The following CYB5A variants were observed in gnomAD, a reference collection of about 807,000 sequenced individuals.
The protein encoded by CYB5A is cytochrome b5 type A.
CYB5A carries 10 observed loss-of-function variants against 16.2 expected under a neutral mutation model. That is an observed-to-expected ratio of 0.62 (90% CI 0.38 to 1.04). The LOEUF is 1.04. CYB5A is among the 50% of genes least tolerant of loss of function. CYB5A has a pLI of 0.01. For missense variants in CYB5A, 161 were observed against 165.9 expected, an observed-to-expected ratio of 0.97 and a Z score of 0.16; for synonymous variants, 62 against 57.0, an observed-to-expected ratio of 1.09 and a Z score of -0.40.
At chr18:74,254,523 CTTT>C (rs140770769) in intron 4 of CYB5A, among the ~76,000 whole-genome samples, 4 of 144,102 alleles carry the variant, frequency 2.8e-5, no homozygotes, top group Admixed American at 1.4e-4. Flanking sequence ...CTATTTGAAT[CTTT>C]TTTTTTTTTT....
At chr18:74,268,577 C>A (rs1431337867) in intron 1 of CYB5A, among the ~76,000 whole-genome samples, 3 of 152,056 alleles carry the variant, frequency 2.0e-5, no homozygotes, top group Admixed American at 2.0e-4. Flanking sequence ...GGACAGCAGA[C>A]AAAAGGGCAA....
intron 1 of CYB5A, among the ~76,000 whole-genome samples, chr18:74,289,455 T>C (rs1194556579): frequency 6.6e-6 from 1 of 152,110 alleles, no homozygotes; most frequent in African/African-American, 2.4e-5. Context: ...TCTGGCAATA[T>C]CTGGAGACAT....
chr18:74,285,532 AGAAATGCACACACTG>A (rs1983284495), intron 1 of CYB5A, among the ~76,000 whole-genome samples: 1 of 152,244 alleles, frequency 6.6e-6, no homozygotes, highest in Non-Finnish European at 1.5e-5. Context: ...CTAAGAACCG[AGAAATGCACACACTG>A]GTGTGCCACC....
chr18:74,285,865 A>G (rs1375574147), intron 1 of CYB5A, among the ~76,000 whole-genome samples: 4 of 146,744 alleles, frequency 2.7e-5, no homozygotes, highest in East Asian at 2.0e-4. Context: ...AAAAAAAAAA[A>G]GTAGAAGTGT....
At chr18:74,265,742 GGGGGA>G (rs1238947402) in intron 1 of CYB5A, among the ~76,000 whole-genome samples, 1 of 152,214 alleles carries the variant, frequency 6.6e-6, no homozygotes, top group Admixed American at 6.5e-5. Flanking sequence ...TGGAAGGCCC[GGGGGA>G]GCCCACACAT....
At position 74,280,762 on chromosome 18, in the gene CYB5A, CAAT is replaced by C. The variant is rs903359048; in HGVS notation, c.129+10982_129+10984del. Among the ~76,000 whole-genome samples, 6 of 152,204 alleles carry C rather than the reference CAAT, an allele frequency of 3.9e-5. No individual in the cohort carries two copies. In the South Asian group the frequency reaches 8.3e-4, roughly 21 times the overall value. ...CGACTTGCTTTTCCATCTCTGTCAA[CAAT>C]GAGGTGGAAATCTTTGTGCGAGTCT... is the stretch of plus-strand genomic sequence containing the variant. On this transcript the variant is annotated intron_variant, in intron 1 of 4. Coordinates refer to ENST00000340533, the MANE Select transcript of CYB5A (RefSeq NM_148923.4).
chr18:74,285,044 A>G (rs1983266379), intron 1 of CYB5A, among the ~76,000 whole-genome samples: 1 of 152,168 alleles, frequency 6.6e-6, no homozygotes, highest in African/African-American at 2.4e-5. Context: ...TTCCCAAGAA[A>G]ACTAGGTCCA....
At chr18:74,269,317 C>T (rs1373898113) in intron 1 of CYB5A, among the ~76,000 whole-genome samples, 5 of 152,158 alleles carry the variant, frequency 3.3e-5, no homozygotes, top group East Asian at 1.9e-4. Context: ...TGTGTTCATC[C>T]AACCTTCTCG....
intron 4 of CYB5A, among the ~76,000 whole-genome samples, chr18:74,254,540 TAC>T (rs1168268151): frequency 1.3e-5 from 2 of 149,626 alleles, no homozygotes; most frequent in African/African-American, 5.0e-5. Flanking sequence ...TTTTTTTTGA[TAC>T]AGAGTCTTGC....
rs1423073480 is a variant in CYB5A at position 74,291,779 on chromosome 18, T to C, written c.97A>G (p.Lys33Glu). The C allele has an allele frequency of 6.2e-7, 1 of 1,613,786 alleles. No individual in the cohort carries two copies. Among genetic ancestry groups the C allele is most frequent in the African/African-American group, 1.3e-5 (1 of 74,914 alleles). ...SKSTWLILHH[K>E]VYDLTKFLEE... ...AGAAATTTGGTCAAATCGTACACCT[T>C]GTGGTGCAGGATCAGCCAGGTGCTC... Residue 33 changes from lysine to glutamate, a missense_variant, in exon 1 of 5, where the codon AAG (lysine) becomes GAG (glutamate). Physicochemically the swap from Lys to Glu is moderately conservative, Grantham distance 56 (BLOSUM62 1). Transcript: ENST00000340533.
At chr18:74,290,789 C>T (rs543163857) in intron 1 of CYB5A, 47 of 152,360 alleles carry the variant, frequency 3.1e-4, no homozygotes, top group African/African-American at 1.1e-3. Context: ...AAGACAATCA[C>T]CAAAAGCGCC....
chr18:74,289,662 G>A (rs1162811754), intron 1 of CYB5A, among the ~76,000 whole-genome samples: 1 of 151,944 alleles, frequency 6.6e-6, no homozygotes, highest in Non-Finnish European at 1.5e-5. Flanking sequence ...TGTAATCCCA[G>A]CTACTTGGGA....
At chr18:74,290,633 C>T (rs1449772468) in intron 1 of CYB5A, among the ~76,000 whole-genome samples, 5 of 152,150 alleles carry the variant, frequency 3.3e-5, no homozygotes, top group South Asian at 2.1e-4. Flanking sequence ...CAGCTCAGAC[C>T]AGGCATCTAT....
In CYB5A at chr18:74,269,553, C is replaced by G. The variant is rs139060286; in HGVS notation, c.130-6076G>C. ...TTCCACTCCATAGCTAATGCACACTCCAGCGTAACAGGACCAAATGGCATG... is the reference window on the plus strand; with the variant it reads ...TTCCACTCCATAGCTAATGCACACTGCAGCGTAACAGGACCAAATGGCATG... On this transcript the variant is annotated intron_variant, in intron 1 of 4. Transcript: ENST00000340533. 4.0e-4 allele frequency among the ~76,000 whole-genome samples: 61 copies of G among 152,334 alleles called. 1 individual carries two copies. The East Asian group carries it at 0.012, about 29-fold the overall frequency.
chr18:74,265,726 GCA>G (rs1982407547), intron 1 of CYB5A, among the ~76,000 whole-genome samples: 1 of 152,198 alleles, frequency 6.6e-6, no homozygotes, highest in African/African-American at 2.4e-5. Context: ...AAGCTTTTAC[GCA>G]CAGTGGAAGG....
intron 1 of CYB5A, among the ~76,000 whole-genome samples, chr18:74,278,866 C>G (rs746197523): frequency 3.3e-5 from 5 of 152,222 alleles, no homozygotes; most frequent in Non-Finnish European, 5.9e-5. Flanking sequence ...TCACTATGCC[C>G]TGACCAGTAT....
chr18:74,256,849 G>A, intron 3 of CYB5A: 1 of 1,613,690 alleles, frequency 6.2e-7, no homozygotes, highest in Non-Finnish European at 8.5e-7. Context: ...CCGCCTTTAA[G>A]GTTCCTGACA....
At chr18:74,274,899 T>C (rs1982807677) in intron 1 of CYB5A, among the ~76,000 whole-genome samples, 1 of 152,192 alleles carries the variant, frequency 6.6e-6, no homozygotes, top group Non-Finnish European at 1.5e-5. Context: ...GAGGCTTCCG[T>C]TCCTGTAAAG....
intron 1 of CYB5A, among the ~76,000 whole-genome samples, chr18:74,269,497 G>A (rs530084373): frequency 5.4e-5 from 7 of 128,580 alleles, no homozygotes; most frequent in Non-Finnish European, 1.1e-4. Context: ...AGAGCCCCAG[G>A]TCCCTCCCAC....
Sources: gnomAD v4.1 joint callset for allele counts (sites outside exome capture counted in the v4.1 genomes callset) on GRCh38, gnomAD v4.1.1 for gene constraint, MANE v1.5 for transcripts, NCBI Gene and HGNC (gene_info 2026-07-23, HGNC 2026-07-21) for gene names.